The following NTM variants were observed in gnomAD, a reference collection of about 807,000 sequenced individuals.
NTM encodes IgLON family member 2.
A neutral mutation model predicts 42.1 loss-of-function variants in NTM; 13 were observed. That is an observed-to-expected ratio of 0.31 (90% CI 0.20 to 0.49). The LOEUF is 0.49. Ranked by LOEUF, NTM falls within the 20% of genes least tolerant of loss-of-function variation. The probability of loss-of-function intolerance (pLI) is 0.99; values close to 1 mark genes in which losing one functional copy is unlikely to be tolerated. For synonymous variants in NTM, 187 were observed against 179.2 expected (o/e 1.04, Z -0.35); for missense variants, 373 against 452.8 (o/e 0.82, Z 1.60).
chr11:131,880,163 G>A (rs2049245276), intron 1 of NTM, among the ~76,000 whole-genome samples: 1 of 152,178 alleles, frequency 6.6e-6, no homozygotes. Context: ...CAGCAGATAA[G>A]TCATAAAACT....
intron 2 of NTM, among the ~76,000 whole-genome samples, chr11:132,062,918 G>A (rs188514894): frequency 2.7e-4 from 41 of 152,254 alleles, no homozygotes; most frequent in African/African-American, 9.6e-4. Flanking sequence ...AGGCAGGATG[G>A]GTGGGGCTTT....
At chr11:131,670,747 C>T (rs975460836) in intron 1 of NTM, among the ~76,000 whole-genome samples, 2 of 152,202 alleles carry the variant, frequency 1.3e-5, no homozygotes, top group African/African-American at 2.4e-5. Flanking sequence ...GTTCATTTCT[C>T]GACATGGATG....
At chr11:131,930,747 T>C (rs914193854) in intron 2 of NTM, among the ~76,000 whole-genome samples, 3 of 152,242 alleles carry the variant, frequency 2.0e-5, no homozygotes, top group Admixed American at 6.5e-5. Flanking sequence ...AAACAACATA[T>C]TGTCTAGTTT....
At chr11:131,455,950 G>A (rs948246285) in intron 1 of NTM, among the ~76,000 whole-genome samples, 3 of 152,198 alleles carry the variant, frequency 2.0e-5, no homozygotes, top group African/African-American at 4.8e-5. Flanking sequence ...AGAGAAAGTT[G>A]GAAGTTTTAT....
intron 3 of NTM, among the ~76,000 whole-genome samples, chr11:132,191,353 G>A (rs1002915308): frequency 1.3e-5 from 2 of 152,166 alleles, no homozygotes; most frequent in Admixed American, 6.5e-5. Flanking sequence ...GGAGACAGAG[G>A]ACAAAGCCAC....
intron 1 of NTM, among the ~76,000 whole-genome samples, chr11:131,520,249 G>C (rs1440484516): frequency 6.6e-6 from 1 of 152,012 alleles, no homozygotes; most frequent in East Asian, 1.9e-4. Context: ...ATAGTTCTAG[G>C]TGCTTTATAA....
At chr11:131,795,325 T>C in intron 1 of NTM, 1 of 918,036 alleles carries the variant, frequency 1.1e-6, no homozygotes, top group Non-Finnish European at 1.3e-6. Flanking sequence ...CAGGCGCTCC[T>C]AATATATGCT....
At chr11:131,696,887 T>G (rs540347718) in intron 1 of NTM, among the ~76,000 whole-genome samples, 1 of 152,266 alleles carries the variant, frequency 6.6e-6, no homozygotes, top group Non-Finnish European at 1.5e-5. Flanking sequence ...GTGCAGAGGC[T>G]TTTAAAGGAC....
chr11:131,553,145 A>G (rs1459573806), intron 1 of NTM, among the ~76,000 whole-genome samples: 1 of 152,112 alleles, frequency 6.6e-6, no homozygotes, highest in Non-Finnish European at 1.5e-5. Context: ...CTTTGTAAGG[A>G]AGGGGAATGT....
chr11:131,457,861 GCT>G (rs147660205), intron 1 of NTM, among the ~76,000 whole-genome samples: 2,027 of 152,250 alleles, frequency 0.013, 52 homozygotes, highest in African/African-American at 0.047. Context: ...GCCCCCGAGA[GCT>G]CTCTTTTTGG....
chr11:132,164,995 C>G (rs1474295508), intron 3 of NTM, among the ~76,000 whole-genome samples: 1 of 152,158 alleles, frequency 6.6e-6, no homozygotes, highest in Admixed American at 6.5e-5. Context: ...TCAGCTCCCC[C>G]TCCCCTGTTG....
rs74438686 is a variant in NTM at position 132,230,553 on chromosome 11, C to T, written c.526+18406C>T. 2.4e-3 allele frequency among the ~76,000 whole-genome samples: 364 copies of T among 152,330 alleles called. 1 individual carries two copies. The highest frequency in any genetic ancestry group is 8.2e-3 in the African/African-American group (342 of 41,568). ...TCAGGGGCATAACGATGAACCTCAA[C>T]GCTCCCTTTCTGCTCACCACTCTCC... On this transcript the variant is annotated intron_variant, in intron 4 of 8. Coordinates refer to ENST00000683400, the MANE Select transcript of NTM (RefSeq NM_001352005.2).
chr11:131,860,242 A>G lies in NTM; in HGVS notation c.83-51322A>G, dbSNP rs2046496690. 2.6e-5 allele frequency among the ~76,000 whole-genome samples: 4 copies of G among 152,166 alleles called. No homozygotes were observed. The South Asian group carries it at 8.3e-4, about 32-fold the overall frequency. On this transcript the variant is annotated intron_variant, in intron 1 of 8. Coordinates refer to ENST00000683400, the MANE Select transcript of NTM (RefSeq NM_001352005.2). ...CATCTCGTGTTTGGAGGGTCTCTGG[A>G]AGGGCTCCTGAGACTCAGCACACAG...
At chr11:131,971,852 C>T (rs529198147) in intron 2 of NTM, among the ~76,000 whole-genome samples, 5 of 151,558 alleles carry the variant, frequency 3.3e-5, no homozygotes, top group East Asian at 3.9e-4. Flanking sequence ...AGACCATCCT[C>T]GCTAACATGG....
rs564166345 is a variant in NTM, at chr11:132,309,203, A to G, written c.662-909A>G. Among the ~76,000 whole-genome samples, 4 of 152,340 alleles carry G rather than the reference A, an allele frequency of 2.6e-5. No individual in the cohort carries two copies. In the South Asian group the frequency reaches 6.2e-4, roughly 24 times the overall value. ...AGCCAGTTTATTGTGGCTGTTTTTC[A>G]TAATACCCTTTAATATAAACTGGTA... is the stretch of plus-strand genomic sequence containing the variant. On this transcript the variant is annotated intron_variant, in intron 5 of 8. Transcript: ENST00000683400.
intron 2 of NTM, among the ~76,000 whole-genome samples, chr11:131,932,808 C>G (rs1484838161): frequency 6.6e-6 from 1 of 152,230 alleles, no homozygotes; most frequent in East Asian, 1.9e-4. Context: ...CTGGTTGGAA[C>G]AGCCGATCCT....
intron 2 of NTM, among the ~76,000 whole-genome samples, chr11:131,984,850 C>T (rs1436136399): frequency 2.6e-5 from 4 of 152,056 alleles, no homozygotes; most frequent in African/African-American, 9.7e-5. Flanking sequence ...CCTTTTTCTT[C>T]TCTTAATGTG....
At chr11:131,571,068 C>T (rs1026357344) in intron 1 of NTM, among the ~76,000 whole-genome samples, 9 of 152,162 alleles carry the variant, frequency 5.9e-5, no homozygotes, top group African/African-American at 2.2e-4. Flanking sequence ...TGTGCGGCCT[C>T]GGGCAAGTCA....
intron 7 of NTM, among the ~76,000 whole-genome samples, chr11:132,326,456 G>T (rs947312465): frequency 2.0e-5 from 3 of 152,156 alleles, no homozygotes; most frequent in African/African-American, 7.2e-5. Flanking sequence ...AAAGCAAACA[G>T]GTTACTTTAC....
Sources: gnomAD v4.1 joint callset for allele counts (sites outside exome capture counted in the v4.1 genomes callset) on GRCh38, gnomAD v4.1.1 for gene constraint, MANE v1.5 for transcripts, NCBI Gene and HGNC (gene_info 2026-07-23, HGNC 2026-07-21) for gene names.